Variants in LAMA3 observed in about 807,000 individuals in gnomAD.
LAMA3 encodes the protein laminin subunit alpha 3.
LAMA3 carries 281 observed loss-of-function variants against 402.0 expected under a neutral mutation model. That is an observed-to-expected ratio of 0.70 (90% CI 0.63 to 0.77). LAMA3 has a LOEUF of 0.77. Among genes scored for constraint, LAMA3 ranks in the 30% least tolerant of loss-of-function variants. The pLI, the probability that LAMA3 is intolerant of heterozygous loss-of-function variation, is 0.00. For missense variants in LAMA3, 3,840 were observed against 4,215.5 expected (o/e 0.91, Z 2.47); for synonymous variants, 1,431 against 1,558.4 (o/e 0.92, Z 1.93).
intron 12 of LAMA3, among the ~76,000 whole-genome samples, chr18:23,800,489 G>A (rs944608898): frequency 9.2e-5 from 14 of 152,182 alleles, no homozygotes; most frequent in Admixed American, 3.9e-4. Context: ...GATCAAGTCA[G>A]TAATTAGCTT....
chr18:23,846,568 C>T (rs577918574), intron 31 of LAMA3, 60 bp downstream of exon 31: 6 of 1,461,280 alleles, frequency 4.1e-6, no homozygotes, highest in South Asian at 1.2e-5. Context: ...TGATGCTTAC[C>T]AGGAGCAGGC....
At chr18:23,866,407 T>C (rs2064359559) in intron 36 of LAMA3, among the ~76,000 whole-genome samples, 1 of 152,204 alleles carries the variant, frequency 6.6e-6, no homozygotes, top group Non-Finnish European at 1.5e-5. Flanking sequence ...TTGGTAGATA[T>C]TTGTGTTCAG....
chr18:23,782,445 C>T (rs745738521), intron 11 of LAMA3, among the ~76,000 whole-genome samples: 13 of 151,860 alleles, frequency 8.6e-5, no homozygotes, highest in Admixed American at 5.9e-4. Flanking sequence ...CCGAGCTACT[C>T]GGGAGGCTGA....
In LAMA3 at chr18:23,822,243, AT is replaced by A; in HGVS notation, c.2305-4del. On this transcript the variant is annotated splice_polypyrimidine_tract_variant and splice_region_variant and intron_variant, in intron 19 of 74. Transcript: ENST00000313654. ...TTTCTATGCTTTATGGCGTTTCGGTATTTTTCAGAATGATGTAAGAATAACA... is the reference window on the plus strand; with the variant it reads ...TTTCTATGCTTTATGGCGTTTCGGTATTTTCAGAATGATGTAAGAATAACA... The A allele has an allele frequency of 6.2e-7, 1 of 1,613,722 alleles. No individual in the cohort carries two copies. The highest frequency in any genetic ancestry group is 8.5e-7 in the Non-Finnish European group (1 of 1,179,812).
chr18:23,810,465 G>A lies in LAMA3; in HGVS notation c.1703G>A (p.Arg568Lys), dbSNP rs2063046370. 5.0e-6 allele frequency: 8 copies of A among 1,614,156 alleles called. No homozygotes were observed. In the East Asian group the frequency reaches 1.8e-4, roughly 36 times the overall value. ...GGAGTTACAGGACAGCGGTGTGACAGGTGTCTCTCAGGAGCTTATGATTTC... is the reference window on the plus strand; with the variant it reads ...GGAGTTACAGGACAGCGGTGTGACAAGTGTCTCTCAGGAGCTTATGATTTC... ...RPGVTGQRCDRCLSGAYDFPH... is the reference protein window; with the variant it reads ...RPGVTGQRCDKCLSGAYDFPH... Residue 568 changes from arginine to lysine, a missense_variant, in exon 13 of 75, where the codon AGG becomes AAG. Physicochemically the swap from Arg to Lys is conservative, Grantham distance 26 (BLOSUM62 2). Coordinates refer to ENST00000313654, the MANE Select transcript of LAMA3 (RefSeq NM_198129.4).
chr18:23,811,513 G>T (rs981601916), intron 13 of LAMA3, among the ~76,000 whole-genome samples: 3 of 152,146 alleles, frequency 2.0e-5, no homozygotes, highest in Non-Finnish European at 2.9e-5. Context: ...GGATGCGAGG[G>T]CATCCTGCAT....
intron 55 of LAMA3, among the ~76,000 whole-genome samples, chr18:23,909,576 G>T (rs939321870): frequency 1.3e-5 from 2 of 152,172 alleles, no homozygotes; most frequent in Admixed American, 1.3e-4. Flanking sequence ...GCCCCAGTTT[G>T]TAAACTGTAA....
At chr18:23,887,438 C>T (rs912818616) in intron 41 of LAMA3, among the ~76,000 whole-genome samples, 2 of 152,152 alleles carry the variant, frequency 1.3e-5, no homozygotes, top group African/African-American at 2.4e-5. Context: ...GCAACAGGCT[C>T]GGTGAGACAT....
chr18:23,849,055 C>T (rs915875636), intron 32 of LAMA3, among the ~76,000 whole-genome samples: 3 of 152,204 alleles, frequency 2.0e-5, no homozygotes, highest in Non-Finnish European at 2.9e-5. Flanking sequence ...TAAGGCCCAC[C>T]GTACTCTGGT....
chr18:23,845,764 T>C (rs550069118), intron 30 of LAMA3, among the ~76,000 whole-genome samples: 74 of 152,316 alleles, frequency 4.9e-4, no homozygotes, highest in African/African-American at 1.7e-3. Context: ...GCTCAGCCAC[T>C]CCATAACCTT....
intron 12 of LAMA3, among the ~76,000 whole-genome samples, chr18:23,788,165 TCTC>T (rs1568184566): frequency 6.6e-6 from 1 of 151,946 alleles, no homozygotes; most frequent in Non-Finnish European, 1.5e-5. Flanking sequence ...ATATGCTTGA[TCTC>T]CTTTCTTCTA....
Position 23,912,819 on chromosome 18 carries a change from C to A in LAMA3, c.7267C>A (p.Pro2423Thr). ...ATCTCTGTCCTTGTTTCTCCAAAGG[C>A]CCAACTCAAGAGAAAATGGGGGTAC... ...YTSLSLFLQRPNSRENGGTEN... is the reference protein window; with the variant it reads ...YTSLSLFLQRTNSRENGGTEN... The change falls in exon 56 of 75, where the codon CCC (proline) becomes ACC (threonine). Residue 2423 changes from proline to threonine, a missense_variant. Pro to Thr is a conservative substitution (Grantham distance 38). Coordinates refer to ENST00000313654, the MANE Select transcript of LAMA3 (RefSeq NM_198129.4). The A allele has an allele frequency of 6.2e-7, 1 of 1,613,974 alleles. No homozygotes were observed.
chr18:23,783,893 C>T (rs1032627332), intron 11 of LAMA3, 130 bp from the exon 12 acceptor site: 13 of 1,238,040 alleles, frequency 1.1e-5, no homozygotes, highest in East Asian at 2.3e-5. Flanking sequence ...TAGTCTTCTG[C>T]GTTAAGAATG....
intron 12 of LAMA3, 141 bp from the exon 13 acceptor site, chr18:23,810,225 T>C: frequency 1.0e-6 from 1 of 954,102 alleles, no homozygotes. Flanking sequence ...TTGTTTCAGG[T>C]TCCCGATCTC....
chr18:23,733,051 C>G (rs111848042), intron 2 of LAMA3, among the ~76,000 whole-genome samples: 16 of 152,174 alleles, frequency 1.1e-4, no homozygotes, highest in African/African-American at 2.9e-4. Context: ...TGAAGAATCC[C>G]AGCAGATAGA....
chr18:23,934,325 A>G (rs2082250281), intron 67 of LAMA3, among the ~76,000 whole-genome samples: 1 of 152,144 alleles, frequency 6.6e-6, no homozygotes, highest in Non-Finnish European at 1.5e-5. Context: ...ATGACAAGAT[A>G]CGTGGTGTAC....
intron 41 of LAMA3, 82 bp from the exon 42 acceptor site, chr18:23,889,929 A>C: frequency 9.8e-7 from 1 of 1,019,588 alleles, no homozygotes; most frequent in Non-Finnish European, 1.6e-6. Flanking sequence ...TATCCCAAAC[A>C]GAGAGCTAGA....
At chr18:23,858,962 A>G in intron 34 of LAMA3, 133 bp downstream of exon 34, 1 of 916,506 alleles carries the variant, frequency 1.1e-6, no homozygotes, top group Non-Finnish European at 1.8e-6. Flanking sequence ...TGTTTGCTCG[A>G]ATGCCATGTG....
Position 23,907,895 on chromosome 18 carries a change from C to T in LAMA3, c.6975C>T (p.Asn2325=), listed in dbSNP as rs145864582. Residue 2325 remains asparagine, a synonymous_variant, in exon 54 of 75, where the codon AAC becomes AAT. Transcript: ENST00000313654. Reference sequence around the variant, plus strand: ...AGGACACCTATGGGAGGACACAGAACGAAGACTTCAAAAAGGCTCTGACTG... The same window carrying T: ...AGGACACCTATGGGAGGACACAGAATGAAGACTTCAAAAAGGCTCTGACTG... The part of the protein sequence containing the change: ...RIKDTYGRTQ[N]EDFKKALTDA... 5.9e-5 allele frequency: 96 copies of T among 1,613,886 alleles called. No homozygotes were observed. Among genetic ancestry groups the T allele is most frequent in the Non-Finnish European group, 7.0e-5 (83 of 1,180,020 alleles).
Sources: gnomAD v4.1 joint callset for allele counts (sites outside exome capture counted in the v4.1 genomes callset) on GRCh38, gnomAD v4.1.1 for gene constraint, MANE v1.5 for transcripts, NCBI Gene and HGNC (gene_info 2026-07-23, HGNC 2026-07-21) for gene names.